Variants in CADM2 observed in about 807,000 individuals in gnomAD.
CADM2 encodes cell adhesion molecule 2, also known as immunoglobulin superfamily member 4D.
In CADM2, 12 loss-of-function variants were observed where a neutral mutation model predicts 49.8. The observed-to-expected ratio is 0.24, with a 90% CI of 0.15 to 0.39. The LOEUF (loss-of-function observed/expected upper bound fraction) is 0.39, where lower values mean the gene tolerates loss of function less well. Among genes scored for constraint, CADM2 ranks in the 10% least tolerant of loss-of-function variants. The pLI, the probability that CADM2 is intolerant of heterozygous loss-of-function variation, is 1.00. For synonymous variants in CADM2, 214 were observed against 175.4 expected (o/e 1.22, Z -1.74); for missense variants, 378 against 492.3 (o/e 0.77, Z 2.20).
chr3:85,506,554 G>C (rs2040359942), intron 1 of CADM2, among the ~76,000 whole-genome samples: 1 of 151,888 alleles, frequency 6.6e-6, no homozygotes, highest in Non-Finnish European at 1.5e-5. Flanking sequence ...TTACACAAAA[G>C]TCTTCTGATT....
intron 1 of CADM2, among the ~76,000 whole-genome samples, chr3:85,525,174 A>G (rs1215942602): frequency 6.6e-6 from 1 of 152,228 alleles, no homozygotes; most frequent in Non-Finnish European, 1.5e-5. Flanking sequence ...AAAAAATAAA[A>G]CATAAAGTTT....
intron 1 of CADM2, among the ~76,000 whole-genome samples, chr3:85,241,899 G>A (rs1249078147): frequency 6.6e-6 from 1 of 151,430 alleles, no homozygotes; most frequent in East Asian, 1.9e-4. Context: ...TAAATTTTCT[G>A]AACAATGTTC....
chr3:85,021,224 GT>G (rs542342788), intron 1 of CADM2, among the ~76,000 whole-genome samples: 1 of 151,508 alleles, frequency 6.6e-6, no homozygotes, highest in Non-Finnish European at 1.5e-5. Context: ...AAATTTTGTC[GT>G]TTTTTAAAAA....
intron 5 of CADM2, among the ~76,000 whole-genome samples, chr3:85,909,750 T>A (rs945385272): frequency 3.3e-5 from 5 of 152,218 alleles, no homozygotes; most frequent in African/African-American, 1.2e-4. Context: ...GAAAGAAGGA[T>A]ACACGTGGTA....
At chr3:85,312,242 T>A (rs909353302) in intron 1 of CADM2, among the ~76,000 whole-genome samples, 2 of 152,072 alleles carry the variant, frequency 1.3e-5, no homozygotes, top group African/African-American at 4.8e-5. Flanking sequence ...GGCATATGAA[T>A]TAATTATGAT....
intron 8 of CADM2, among the ~76,000 whole-genome samples, chr3:86,036,523 C>G (rs1202243300): frequency 6.6e-6 from 1 of 152,124 alleles, no homozygotes. Context: ...CCTAGACTCT[C>G]TCTCTCTCCA....
At chr3:85,816,376 G>A (rs1379688408) in intron 3 of CADM2, among the ~76,000 whole-genome samples, 1 of 152,004 alleles carries the variant, frequency 6.6e-6, no homozygotes, top group Non-Finnish European at 1.5e-5. Context: ...TATAATAGGT[G>A]CCTCTACTGT....
At chr3:85,459,853 G>T (rs1673064311) in intron 1 of CADM2, among the ~76,000 whole-genome samples, 1 of 152,160 alleles carries the variant, frequency 6.6e-6, no homozygotes. Flanking sequence ...AGATGCTCTT[G>T]TATTTTTCCA....
chr3:85,784,730 T>C (rs1370842003), intron 2 of CADM2, among the ~76,000 whole-genome samples: 1 of 152,192 alleles, frequency 6.6e-6, no homozygotes, highest in African/African-American at 2.4e-5. Flanking sequence ...ATCAGAGATA[T>C]TAGCCTGTAG....
At chr3:85,651,382 C>T (rs1023914026) in intron 1 of CADM2, among the ~76,000 whole-genome samples, 1 of 152,102 alleles carries the variant, frequency 6.6e-6, no homozygotes, top group African/African-American at 2.4e-5. Flanking sequence ...TCCACCCATT[C>T]AGTTTTTCCA....
chr3:85,817,094 A>T (rs2073254812), intron 3 of CADM2, among the ~76,000 whole-genome samples: 1 of 152,218 alleles, frequency 6.6e-6, no homozygotes, highest in African/African-American at 2.4e-5. Context: ...CCACCCTTGG[A>T]AACAGCAGTA....
intron 1 of CADM2, among the ~76,000 whole-genome samples, chr3:85,655,069 T>C (rs1365356228): frequency 2.0e-5 from 3 of 152,182 alleles, no homozygotes; most frequent in Admixed American, 1.3e-4. Context: ...TTATGCTTTA[T>C]TTTGAAATAT....
intron 2 of CADM2, among the ~76,000 whole-genome samples, chr3:85,796,530 C>A (rs1240454739): frequency 6.6e-6 from 1 of 152,094 alleles, no homozygotes; most frequent in Non-Finnish European, 1.5e-5. Flanking sequence ...AATTACAGGG[C>A]GATGGCAACT....
intron 1 of CADM2, among the ~76,000 whole-genome samples, chr3:85,264,195 C>T (rs2043073114): frequency 6.6e-6 from 1 of 152,070 alleles, no homozygotes; most frequent in South Asian, 2.1e-4. Context: ...ACAGACTTTC[C>T]TATTAATTCT....
intron 2 of CADM2, among the ~76,000 whole-genome samples, chr3:85,738,112 A>G (rs1351348834): frequency 2.0e-5 from 3 of 150,412 alleles, no homozygotes; most frequent in Admixed American, 6.6e-5. Context: ...GGGAAAGACA[A>G]TCAAATCTCT....
At chr3:85,322,469 A>G (rs1247132724) in intron 1 of CADM2, among the ~76,000 whole-genome samples, 2 of 152,152 alleles carry the variant, frequency 1.3e-5, no homozygotes, top group Non-Finnish European at 2.9e-5. Flanking sequence ...TTTGGTGAAA[A>G]GTGTTTCATT....
intron 1 of CADM2, among the ~76,000 whole-genome samples, chr3:85,345,856 AT>A (rs919454541): frequency 2.1e-4 from 32 of 152,140 alleles, no homozygotes; most frequent in African/African-American, 7.7e-4. Flanking sequence ...TGTGTGAAAA[AT>A]ATTCACTGTA....
chr3:85,713,399 TG>T (rs1211593467), intron 1 of CADM2, among the ~76,000 whole-genome samples: 6 of 152,214 alleles, frequency 3.9e-5, no homozygotes, highest in Non-Finnish European at 8.8e-5. Context: ...TCCGCCCTTC[TG>T]GGCCTCCTAA....
intron 6 of CADM2, among the ~76,000 whole-genome samples, chr3:85,917,402 C>T (rs947971402): frequency 1.1e-4 from 17 of 150,298 alleles, no homozygotes; most frequent in African/African-American, 2.9e-4. Flanking sequence ...CCAGTTTTCC[C>T]GGCACCATTT....
Sources: allele counts gnomAD v4.1 joint callset (sites outside exome capture counted in the v4.1 genomes callset), GRCh38; gene constraint gnomAD v4.1.1; transcripts MANE v1.5; gene names NCBI Gene and HGNC (gene_info 2026-07-23, HGNC 2026-07-21).